CDC25B: variants seen among roughly 807,000 people sequenced by gnomAD.
CDC25B encodes the protein cell division cycle 25B, also known as M-phase inducer phosphatase 2.
Under a neutral mutation model 69.8 loss-of-function variants are expected in CDC25B, and 33 were observed. The ratio of observed to expected loss-of-function variants is 0.47; its 90% CI spans 0.36 to 0.63. The LOEUF (loss-of-function observed/expected upper bound fraction) is 0.63. Among genes scored for constraint, CDC25B ranks in the 30% least tolerant of loss-of-function variants. CDC25B has a pLI of 0.00. For synonymous variants in CDC25B, 341 were observed against 314.6 expected (o/e 1.08, Z -0.89); for missense variants, 727 against 809.1 (o/e 0.90, Z 1.23).
intron 1 of CDC25B, 41 bp downstream of exon 1, chr20:3,796,772 T>A: frequency 6.5e-7 from 1 of 1,528,930 alleles, no homozygotes; most frequent in East Asian, 2.5e-5. Context: ...GGTGAGAGGC[T>A]AGGTCTGGAG....
rs1342030822 is a variant in CDC25B, at chr20:3,801,743, G to C, written c.862G>C (p.Gly288Arg). ...TCAGGATGATGATGCAGTTCCCCCAGGCATGGAGAGTCTCATTAGTGCCCC... is the reference window on the plus strand; with the variant it reads ...TCAGGATGATGATGCAGTTCCCCCACGCATGGAGAGTCTCATTAGTGCCCC... The part of the protein sequence containing the change: ...DLKDDDAVPP[G>R]MESLISAPLV... The change falls in exon 9 of 16, where the codon GGC becomes CGC. Residue 288 changes from glycine to arginine, a missense_variant. By Grantham distance (125) the Gly-to-Arg change is moderately radical. This residue lies in a region of CDC25B where 359 missense variants were observed against 463.4 expected (regional missense o/e 0.77). Coordinates refer to ENST00000245960, the MANE Select transcript of CDC25B (RefSeq NM_021873.4). 6.2e-7 allele frequency: 1 copy of C among 1,607,234 alleles called. No homozygotes were observed. The highest frequency in any genetic ancestry group is 1.1e-5 in the South Asian group (1 of 90,118).
chr20:3,788,136 C>CA (rs768288652), intron 1 of CDC25B, among the ~76,000 whole-genome samples: 2 of 84,312 alleles, frequency 2.4e-5, no homozygotes, highest in Non-Finnish European at 4.4e-5. Context: ...GACTCCATCT[C>CA]AAAAAAAAAG....
chr20:3,797,507 C>A, intron 1 of CDC25B, 115 bp from the exon 2 acceptor site: 1 of 1,350,488 alleles, frequency 7.4e-7, no homozygotes, highest in Non-Finnish European at 1.0e-6. Flanking sequence ...ATTGCTTTCC[C>A]GGTGTAGTGT....
chr20:3,797,662 A>C lies in CDC25B; in HGVS notation c.241A>C (p.Ser81Arg). 1 of 1,614,072 alleles carries C rather than the reference A, an allele frequency of 6.2e-7. No individual in the cohort carries two copies. The highest frequency in any genetic ancestry group is 8.5e-7 in the Non-Finnish European group (1 of 1,180,008). The change falls in exon 2 of 16, where the codon AGC (serine) becomes CGC (arginine). Residue 81 changes from serine to arginine, a missense_variant. This residue lies in a region of CDC25B where 368 missense variants were observed against 345.6 expected (regional missense o/e 1.06). Coordinates refer to ENST00000245960, the MANE Select transcript of CDC25B (RefSeq NM_021873.4). The part of the protein sequence containing the change: ...KSQVGTLLFR[S>R]RSRLTHLSLS... The stretch of plus-strand genomic sequence containing the variant: ...TCAGGTAGGGACCCTGCTCTTCCGC[A>C]GCCGCAGCCGCCTGACGCACCTATC...
upstream of CDC25B, among the ~76,000 whole-genome samples, chr20:3,793,184 G>A (rs952012829): frequency 7.9e-5 from 12 of 152,094 alleles, no homozygotes; most frequent in East Asian, 3.8e-4. Flanking sequence ...TGGGCCAGGC[G>A]CAGTGGCTCA....
At chr20:3,795,766 G>T, upstream of CDC25B, 6 of 985,504 alleles carry the variant, frequency 6.1e-6, no homozygotes, top group Non-Finnish European at 7.2e-6. Context: ...AGCCAGTCGC[G>T]GAGGCGGGGA....
upstream of CDC25B, chr20:3,795,696 C>T: frequency 1.0e-6 from 1 of 985,446 alleles, no homozygotes; most frequent in Non-Finnish European, 1.2e-6. Context: ...GCCCCACTGC[C>T]CTCCCACCTC....
chr20:3,791,075 G>A (rs916947976), intron 1 of CDC25B, among the ~76,000 whole-genome samples: 1 of 152,108 alleles, frequency 6.6e-6, no homozygotes, highest in Non-Finnish European at 1.5e-5. Context: ...TCAATAATGA[G>A]CCCCTACCAA....
At chr20:3,800,212 G>GACTGGAGACCTGGTGCTAGGA in intron 3 of CDC25B, 76 bp from the exon 4 acceptor site, 1 of 1,452,872 alleles carries the variant, frequency 6.9e-7, no homozygotes, top group Non-Finnish European at 9.7e-7. Context: ...CTCCCCCCTG[G>GACTGGAGACCTGGTGCTAGGA]ACTGGGGGCC....
chr20:3,789,395 A>G (rs890715227), intron 1 of CDC25B, among the ~76,000 whole-genome samples: 1 of 151,694 alleles, frequency 6.6e-6, no homozygotes, highest in Non-Finnish European at 1.5e-5. Flanking sequence ...TTTGAGACGG[A>G]GTCTCACTGT....
intron 11 of CDC25B, chr20:3,802,705 T>C: frequency 1.6e-6 from 1 of 613,452 alleles, no homozygotes; most frequent in South Asian, 2.0e-5. Flanking sequence ...CACTTCCCTT[T>C]TTCATTTCTC....
chr20:3,796,567 G>A lies in CDC25B; in HGVS notation c.36G>A (p.Ser12=), dbSNP rs1648662306. The change falls in exon 1 of 16, where the codon TCG becomes TCA. Residue 12 remains serine, a synonymous_variant. Transcript: ENST00000245960. The part of the protein sequence containing the change: ...EVPQPEPAPG[S]ALSPAGVCGG... Reference sequence around the variant, plus strand: ...CCCAGCCGGAGCCCGCGCCAGGCTCGGCTCTCAGTCCAGCAGGCGTGTGCG... The same window carrying A: ...CCCAGCCGGAGCCCGCGCCAGGCTCAGCTCTCAGTCCAGCAGGCGTGTGCG... 5 of 1,473,038 alleles carry A rather than the reference G, an allele frequency of 3.4e-6. No homozygotes were observed. The highest frequency in any genetic ancestry group is 4.5e-6 in the Non-Finnish European group (5 of 1,119,018). The allele number at this position is 1,473,038 out of a possible 1,614,324, so 91.2% of individuals were successfully genotyped here.
chr20:3,799,747 T>C (rs1224960492), intron 3 of CDC25B, among the ~76,000 whole-genome samples: 3 of 151,948 alleles, frequency 2.0e-5, no homozygotes, highest in Non-Finnish European at 4.4e-5. Context: ...GTCTACTGTA[T>C]CAGACTGGAG....
chr20:3,795,703 C>T, upstream of CDC25B: 1 of 985,502 alleles, frequency 1.0e-6, no homozygotes, highest in Non-Finnish European at 1.2e-6. Flanking sequence ...TGCCCTCCCA[C>T]CTCCTACGCT....
In CDC25B at chr20:3,797,657, T is replaced by TCCGCAG; in HGVS notation, c.247_252dup (p.Ser83_Arg84dup). On this transcript the variant is annotated inframe_insertion, in exon 2 of 16. Transcript: ENST00000245960. ...AAGAGTCAGGTAGGGACCCTGCTCTTCCGCAGCCGCAGCCGCCTGACGCAC... is the reference window on the plus strand; with the variant it reads ...AAGAGTCAGGTAGGGACCCTGCTCTTCCGCAGCCGCAGCCGCAGCCGCCTGACGCAC... 5 of 1,614,088 alleles carry TCCGCAG rather than the reference T, an allele frequency of 3.1e-6. No homozygotes were observed. The highest frequency in any genetic ancestry group is 2.2e-5 in the East Asian group (1 of 44,872).
chr20:3,804,150 G>A (rs1474242664), intron 14 of CDC25B, among the ~76,000 whole-genome samples: 1 of 152,134 alleles, frequency 6.6e-6, no homozygotes, highest in African/African-American at 2.4e-5. Context: ...ACCTCCACCT[G>A]GGCACCGGGC....
At position 3,797,900 on chromosome 20, in the gene CDC25B, G is replaced by A. The variant is rs369621605; in HGVS notation, c.328+151G>A. The stretch of plus-strand genomic sequence containing the variant: ...CTCTCCCCCACCCTCCACAGAAATG[G>A]GAGGAAGACACACCTCTTGTGGGGC... On this transcript the variant is annotated intron_variant, in intron 2 of 15. Transcript: ENST00000245960. The A allele has an allele frequency of 7.9e-5, 76 of 960,840 alleles. No homozygotes were observed. The East Asian group carries it at 1.6e-3, about 20-fold the overall frequency. The allele number at this position is 960,840 out of a possible 1,614,324, so 59.5% of individuals were successfully genotyped here.
In CDC25B at chr20:3,803,542, G is replaced by T; in HGVS notation, c.1490+5G>T. 1 of 1,613,918 alleles carries T rather than the reference G, an allele frequency of 6.2e-7. No homozygotes were observed. Among genetic ancestry groups the T allele is most frequent in the Non-Finnish European group, 8.5e-7 (1 of 1,179,988 alleles). ...ATCTGAGCGTGGGCCCCGCATGTGAGTCCCAGCTCCGCCCAGCCAGCTAGT... is the reference window on the plus strand; with the variant it reads ...ATCTGAGCGTGGGCCCCGCATGTGATTCCCAGCTCCGCCCAGCCAGCTAGT... On this transcript the variant is annotated splice_donor_5th_base_variant and intron_variant, in intron 14 of 15. Transcript: ENST00000245960. The surrounding 1 kb of genome is among the most constrained non-coding windows in gnomAD (Gnocchi z 4.9).
chr20:3,796,318 C>CG lies in CDC25B; in HGVS notation c.-214_-213insG. ...AAGTGGCAGCTGCAACTAGAGGCTTCCCTGGCTGGTGCCTGAGCCCGGCGT... is the reference window on the plus strand; with the variant it reads ...AAGTGGCAGCTGCAACTAGAGGCTTCGCCTGGCTGGTGCCTGAGCCCGGCGT... On this transcript the variant is annotated 5_prime_UTR_variant, in exon 1 of 16. Coordinates refer to ENST00000245960, the MANE Select transcript of CDC25B (RefSeq NM_021873.4). The CG allele has an allele frequency of 2.2e-6, 3 of 1,367,958 alleles. No individual in the cohort carries two copies. The highest frequency in any genetic ancestry group is 2.8e-6 in the Non-Finnish European group (3 of 1,068,480). 84.7% of individuals were successfully genotyped at this position (1,367,958 alleles called of 1,614,324 possible).
Sources: gnomAD v4.1 joint callset for allele counts (sites outside exome capture counted in the v4.1 genomes callset) on GRCh38, gnomAD v4.1.1 for gene constraint, gnomAD v4.1.1 regional missense constraint, Gnocchi (gnomAD v3.1) non-coding constraint, MANE v1.5 for transcripts, NCBI Gene and HGNC (gene_info 2026-07-23, HGNC 2026-07-21) for gene names.